MEF2C: variants seen among roughly 807,000 people sequenced by gnomAD.
MEF2C encodes the protein myocyte enhancer factor 2C, also known as myocyte-specific enhancer factor 2C.
MEF2C carries 6 observed loss-of-function variants against 50.5 expected under a neutral mutation model. That is an observed-to-expected ratio of 0.12 (90% CI 0.07 to 0.23). The LOEUF is 0.23. Among genes scored for constraint, MEF2C ranks in the 10% least tolerant of loss-of-function variants. The pLI, the probability that MEF2C is intolerant of heterozygous loss-of-function variation, is 1.00. For missense variants in MEF2C, 276 were observed against 605.0 expected, an observed-to-expected ratio of 0.46 and a Z score of 5.70; for synonymous variants, 183 against 228.0, an observed-to-expected ratio of 0.80 and a Z score of 1.78.
intron 1 of MEF2C, among the ~76,000 whole-genome samples, chr5:88,869,947 A>T (rs1021867311): frequency 1.3e-5 from 2 of 151,544 alleles, no homozygotes; most frequent in African/African-American, 4.8e-5. Context: ...CACTTAGGGA[A>T]ATCAGTACTA....
At chr5:88,735,241 C>T in intron 6 of MEF2C, 2 of 985,370 alleles carry the variant, frequency 2.0e-6, no homozygotes, top group Non-Finnish European at 2.4e-6. Flanking sequence ...TGTTGTCCCA[C>T]CTTAAGATAA....
At chr5:88,880,252 T>G (rs574068090) in intron 1 of MEF2C, among the ~76,000 whole-genome samples, 5 of 152,072 alleles carry the variant, frequency 3.3e-5, no homozygotes, top group Non-Finnish European at 7.4e-5. Context: ...GAGGATGTGC[T>G]TTTGAAAAAA....
chr5:88,800,564 A>T (rs1249907455), intron 3 of MEF2C, among the ~76,000 whole-genome samples: 2 of 152,212 alleles, frequency 1.3e-5, no homozygotes, highest in African/African-American at 4.8e-5. Flanking sequence ...GAAGTACTCA[A>T]CAACCACATC....
At chr5:88,812,783 C>T (rs748895768) in intron 2 of MEF2C, among the ~76,000 whole-genome samples, 6 of 152,080 alleles carry the variant, frequency 3.9e-5, no homozygotes, top group Non-Finnish European at 8.8e-5. Context: ...GACTAGAAAA[C>T]CAACCCTCTT....
intron 1 of MEF2C, among the ~76,000 whole-genome samples, chr5:88,863,824 C>CT (rs369890636): frequency 0.41 from 58,660 of 142,608 alleles, 12,412 homozygotes; most frequent in Non-Finnish European, 0.47. Context: ...ATTTCTTTTT[C>CT]TTTTTTTTTT....
chr5:88,781,062 C>G (rs1787756819), intron 3 of MEF2C, among the ~76,000 whole-genome samples: 1 of 152,036 alleles, frequency 6.6e-6, no homozygotes, highest in Admixed American at 6.6e-5. Flanking sequence ...AATAGAATTA[C>G]TTTTGACTCC....
intron 6 of MEF2C, chr5:88,742,367 A>G: frequency 1.0e-6 from 1 of 984,906 alleles, no homozygotes; most frequent in Non-Finnish European, 1.2e-6. Flanking sequence ...TCTGAATAAA[A>G]CTAGTATTTC....
At chr5:88,788,398 T>G (rs1466041453) in intron 3 of MEF2C, among the ~76,000 whole-genome samples, 2 of 151,124 alleles carry the variant, frequency 1.3e-5, no homozygotes, top group Non-Finnish European at 3.0e-5. Context: ...TTAGTAGAGA[T>G]GAGGTTTCAC....
intron 6 of MEF2C, chr5:88,748,797 TC>T (rs1771205848): frequency 1.0e-6 from 1 of 985,348 alleles, no homozygotes; most frequent in South Asian, 4.7e-5. Context: ...AAGGATGGTA[TC>T]CAGGATTAAG....
At position 88,720,785 on chromosome 5, in the gene MEF2C, T is replaced by C. The variant is rs1756071577; in HGVS notation, c.*1819A>G. The C allele has an allele frequency of 9.1e-6, 1 of 110,046 alleles. No individual in the cohort carries two copies. The highest frequency in any genetic ancestry group is 2.8e-5 in the African/African-American group (1 of 35,242). 6.8% of individuals were successfully genotyped at this position (110,046 alleles called of 1,614,324 possible). A position where few individuals can be genotyped will look rare whatever the true frequency, so the allele number is the denominator to read the frequency against. On this transcript the variant is annotated 3_prime_UTR_variant, in exon 11 of 11. Transcript: ENST00000504921. ...CTTATAGACGAATATTAGACAAGAG[T>C]CATTTTTTTTAAATTAAAAAAAGGG...
intron 1 of MEF2C, among the ~76,000 whole-genome samples, chr5:88,902,210 A>C (rs899197655): frequency 3.9e-5 from 6 of 151,906 alleles, no homozygotes; most frequent in African/African-American, 1.4e-4. Flanking sequence ...TTAAGAGACT[A>C]ATGAAGTTAT....
At chr5:88,875,339 A>G (rs1382315708) in intron 1 of MEF2C, among the ~76,000 whole-genome samples, 1 of 152,004 alleles carries the variant, frequency 6.6e-6, no homozygotes, top group Non-Finnish European at 1.5e-5. Flanking sequence ...GGTGTTTATC[A>G]ATAAAAATTT....
chr5:88,891,602 G>A (rs756502236), intron 1 of MEF2C, among the ~76,000 whole-genome samples: 14 of 151,826 alleles, frequency 9.2e-5, no homozygotes, highest in Non-Finnish European at 1.6e-4. Flanking sequence ...AGTAGAGACG[G>A]GGTTTCACCA....
intron 3 of MEF2C, among the ~76,000 whole-genome samples, chr5:88,768,462 G>T (rs1038782752): frequency 6.6e-5 from 10 of 152,080 alleles, no homozygotes; most frequent in African/African-American, 2.4e-4. Flanking sequence ...TGCTGCCAGT[G>T]GTCCTCTGGA....
intron 2 of MEF2C, among the ~76,000 whole-genome samples, chr5:88,818,416 TAA>T (rs1806589023): frequency 1.3e-5 from 2 of 151,534 alleles, no homozygotes; most frequent in Admixed American, 1.3e-4. Context: ...TGAAAGAGGG[TAA>T]GACTGCCTAA....
intron 1 of MEF2C, among the ~76,000 whole-genome samples, chr5:88,863,962 C>G (rs947470425): frequency 5.9e-5 from 9 of 151,828 alleles, no homozygotes; most frequent in Admixed American, 6.6e-5. Flanking sequence ...GCAGGGATTA[C>G]AGGGATGTGC....
chr5:88,735,472 T>TA, intron 6 of MEF2C: 1 of 985,274 alleles, frequency 1.0e-6, no homozygotes, highest in Non-Finnish European at 1.2e-6. Context: ...AGTGAATGGA[T>TA]TTCCTGATTA....
In MEF2C at chr5:88,865,552, T is replaced by G. The variant is rs1168243253; in HGVS notation, c.-143+17403A>C. 2.0e-5 allele frequency among the ~76,000 whole-genome samples: 3 copies of G among 152,176 alleles called. No homozygotes were observed. In the East Asian group the frequency reaches 5.8e-4, roughly 29 times the overall value. ...GGGTAATCCAGGCCTTTACAGTGAA[T>G]AATTATTTCCTGCATATTTACAACT... On this transcript the variant is annotated intron_variant, in intron 1 of 10. Coordinates refer to ENST00000504921, the MANE Select transcript of MEF2C (RefSeq NM_002397.5).
At chr5:88,860,493 T>A (rs553154344) in intron 1 of MEF2C, among the ~76,000 whole-genome samples, 4 of 151,316 alleles carry the variant, frequency 2.6e-5, no homozygotes, top group African/African-American at 7.3e-5. Context: ...GAAATTGTAA[T>A]TTTTTTTTCA....
Sources: allele counts gnomAD v4.1 joint callset (sites outside exome capture counted in the v4.1 genomes callset), GRCh38; gene constraint gnomAD v4.1.1; transcripts MANE v1.5; gene names NCBI Gene and HGNC (gene_info 2026-07-23, HGNC 2026-07-21).